Variants in B3GALT1 observed in about 807,000 individuals in gnomAD.
The protein encoded by B3GALT1 is UDP-Gal:betaGlcNAc beta 1,3-galactosyltransferase, polypeptide 1.
In B3GALT1, 10 loss-of-function variants were observed where a neutral mutation model predicts 23.2. The observed-to-expected ratio is 0.43, with a 90% CI of 0.27 to 0.73. B3GALT1 has a LOEUF of 0.73. Among genes scored for constraint, B3GALT1 ranks in the 30% least tolerant of loss-of-function variants. The pLI is 0.21. For missense variants in B3GALT1, 299 were observed against 405.4 expected, an observed-to-expected ratio of 0.74 and a Z score of 2.25; for synonymous variants, 156 against 141.5, an observed-to-expected ratio of 1.10 and a Z score of -0.73.
chr2:167,636,849 A>G (rs944519603), intron 2 of B3GALT1, among the ~76,000 whole-genome samples: 3 of 151,970 alleles, frequency 2.0e-5, no homozygotes, highest in African/African-American at 7.2e-5. Flanking sequence ...GTGGGGGGCT[A>G]TGGGAGGGAA....
intron 2 of B3GALT1, among the ~76,000 whole-genome samples, chr2:167,561,376 T>A (rs1227130): frequency 2.6e-4 from 40 of 151,912 alleles, no homozygotes; most frequent in African/African-American, 8.2e-4. Flanking sequence ...ATTGACACCC[T>A]AACATCACAA....
intron 1 of B3GALT1, among the ~76,000 whole-genome samples, chr2:167,419,119 G>C (rs1029218351): frequency 1.3e-5 from 2 of 152,256 alleles, no homozygotes; most frequent in East Asian, 3.9e-4. Flanking sequence ...ATTAAAAACA[G>C]TTTGACCATA....
At chr2:167,420,785 T>C (rs970767191) in intron 1 of B3GALT1, among the ~76,000 whole-genome samples, 4 of 152,206 alleles carry the variant, frequency 2.6e-5, no homozygotes, top group African/African-American at 9.6e-5. Context: ...AGCTGCTTTT[T>C]TGAGGGACAA....
At chr2:167,474,173 A>G (rs938283383) in intron 1 of B3GALT1, among the ~76,000 whole-genome samples, 2 of 152,196 alleles carry the variant, frequency 1.3e-5, no homozygotes, top group African/African-American at 2.4e-5. Flanking sequence ...GATAATTTCT[A>G]ATCAGTCTAA....
chr2:167,487,296 G>A (rs557207791), intron 1 of B3GALT1, among the ~76,000 whole-genome samples: 30 of 152,282 alleles, frequency 2.0e-4, no homozygotes, highest in African/African-American at 6.0e-4. Flanking sequence ...AATGTTGTGC[G>A]TGTTTTGCTG....
At chr2:167,750,852 C>A (rs1687723903) in intron 3 of B3GALT1, among the ~76,000 whole-genome samples, 1 of 152,004 alleles carries the variant, frequency 6.6e-6, no homozygotes, top group Non-Finnish European at 1.5e-5. Context: ...GTTCCTCTCA[C>A]TCAAAGTCCC....
chr2:167,695,311 C>T (rs1435144113), intron 3 of B3GALT1, among the ~76,000 whole-genome samples: 1 of 152,138 alleles, frequency 6.6e-6, no homozygotes, highest in African/African-American at 2.4e-5. Flanking sequence ...TCTTACTAAT[C>T]ATTCCCCAAG....
rs557196922 is a variant in B3GALT1, at chr2:167,464,261, A to T, written c.-510-25916A>T. Among the ~76,000 whole-genome samples the T allele has an allele frequency of 3.9e-5, 6 of 152,268 alleles. No homozygotes were observed. In the South Asian group the frequency reaches 1.2e-3, roughly 32 times the overall value. ...GTCCTCATGGCCCTGCTTCAGTAGT[A>T]TCTTGAAGGGGTCACCTGAAAACAA... On this transcript the variant is annotated intron_variant, in intron 1 of 4. Coordinates refer to ENST00000392690, the MANE Select transcript of B3GALT1 (RefSeq NM_020981.4).
chr2:167,566,375 T>G (rs1443010865), intron 2 of B3GALT1, among the ~76,000 whole-genome samples: 4 of 151,518 alleles, frequency 2.6e-5, no homozygotes, highest in African/African-American at 9.7e-5. Context: ...AGGGGAGGGA[T>G]AGCATTAGGA....
At chr2:167,362,840 A>C (rs1697518713) in intron 1 of B3GALT1, among the ~76,000 whole-genome samples, 1 of 152,088 alleles carries the variant, frequency 6.6e-6, no homozygotes, top group East Asian at 1.9e-4. Context: ...AGCATTCACA[A>C]AGACTTTTAT....
chr2:167,571,941 T>G (rs1684300144), intron 2 of B3GALT1, among the ~76,000 whole-genome samples: 2 of 151,832 alleles, frequency 1.3e-5, no homozygotes, highest in South Asian at 4.1e-4. Context: ...AGAGTATAAA[T>G]TATACAACTT....
At chr2:167,478,723 C>A (rs1008411414) in intron 1 of B3GALT1, among the ~76,000 whole-genome samples, 3 of 151,664 alleles carry the variant, frequency 2.0e-5, no homozygotes, top group Admixed American at 6.6e-5. Flanking sequence ...CTCCTCCCCC[C>A]ACCCCATGAT....
At chr2:167,706,498 C>T (rs1256237880) in intron 3 of B3GALT1, among the ~76,000 whole-genome samples, 6 of 152,114 alleles carry the variant, frequency 3.9e-5, no homozygotes, top group African/African-American at 1.4e-4. Flanking sequence ...AGCAGAGAGA[C>T]CAAGAGCTGC....
At chr2:167,583,999 A>G (rs1290535488) in intron 2 of B3GALT1, among the ~76,000 whole-genome samples, 1 of 136,300 alleles carries the variant, frequency 7.3e-6, no homozygotes, top group Non-Finnish European at 1.6e-5. Flanking sequence ...TTGGAGAGTA[A>G]TTCAAGATAG....
At chr2:167,426,968 C>T (rs182915322) in intron 1 of B3GALT1, among the ~76,000 whole-genome samples, 77 of 152,264 alleles carry the variant, frequency 5.1e-4, no homozygotes, top group African/African-American at 1.7e-3. Context: ...CCTAAATGTT[C>T]CCCAACAGCA....
intron 1 of B3GALT1, among the ~76,000 whole-genome samples, chr2:167,440,390 C>G (rs1486996401): frequency 6.6e-6 from 1 of 150,426 alleles, no homozygotes; most frequent in East Asian, 1.9e-4. Flanking sequence ...GTTCATAAAC[C>G]CTAACATTTT....
chr2:167,573,238 A>C (rs1242238563), intron 2 of B3GALT1, among the ~76,000 whole-genome samples: 6 of 151,798 alleles, frequency 4.0e-5, no homozygotes, highest in African/African-American at 1.4e-4. Context: ...CAATATTTAT[A>C]TTTTACAGAA....
chr2:167,436,620 C>G (rs954048637), intron 1 of B3GALT1, among the ~76,000 whole-genome samples: 32 of 152,156 alleles, frequency 2.1e-4, no homozygotes, highest in Admixed American at 1.4e-3. Flanking sequence ...GATCCTAGAA[C>G]AGTACATTTA....
At chr2:167,523,731 G>A (rs574833358) in intron 2 of B3GALT1, among the ~76,000 whole-genome samples, 3 of 152,096 alleles carry the variant, frequency 2.0e-5, no homozygotes, top group East Asian at 3.9e-4. Context: ...AGCCTTATTT[G>A]TAAGCACTTC....
Sources: allele counts gnomAD v4.1 joint callset (sites outside exome capture counted in the v4.1 genomes callset), GRCh38; gene constraint gnomAD v4.1.1; transcripts MANE v1.5; gene names NCBI Gene and HGNC (gene_info 2026-07-23, HGNC 2026-07-21).